The following SNX19 variants were observed in gnomAD, a reference collection of about 807,000 sequenced individuals.
SNX19 encodes sorting nexin 19.
Under a neutral mutation model 85.2 loss-of-function variants are expected in SNX19, and 60 were observed. That is an observed-to-expected ratio of 0.70 (90% CI 0.57 to 0.87). The LOEUF is 0.87. SNX19 is among the 40% of genes least tolerant of loss of function. SNX19 has a pLI of 0.00. For synonymous variants in SNX19, 520 were observed against 470.0 expected (o/e 1.11, Z -1.38); for missense variants, 1,201 against 1,217.8 (o/e 0.99, Z 0.21).
intron 1 of SNX19, among the ~76,000 whole-genome samples, chr11:130,912,322 G>A (rs1946189736): frequency 6.6e-6 from 1 of 152,134 alleles, no homozygotes; most frequent in Admixed American, 6.5e-5. Flanking sequence ...TCCTAAGTAC[G>A]TATCATCTGT....
intron 8 of SNX19, among the ~76,000 whole-genome samples, chr11:130,882,118 T>C (rs927315026): frequency 2.6e-5 from 4 of 152,214 alleles, no homozygotes; most frequent in African/African-American, 9.6e-5. Context: ...TAGAAAGTGG[T>C]TCAACGTTAT....
chr11:130,888,445 T>C (rs1944245194), intron 8 of SNX19, among the ~76,000 whole-genome samples: 1 of 152,184 alleles, frequency 6.6e-6, no homozygotes. Context: ...AAATGTACTA[T>C]AATGCAGGCA....
intron 8 of SNX19, among the ~76,000 whole-genome samples, chr11:130,886,340 TG>T (rs772991521): frequency 2.0e-5 from 3 of 152,216 alleles, no homozygotes; most frequent in Non-Finnish European, 2.9e-5. Flanking sequence ...TATGCGCCTG[TG>T]CCTATGTGCA....
chr11:130,907,851 C>T, intron 5 of SNX19, 102 bp downstream of exon 5: 1 of 1,533,400 alleles, frequency 6.5e-7, no homozygotes, highest in Non-Finnish European at 8.8e-7. Flanking sequence ...TCTGACCCAC[C>T]TCCTTTCCTC....
chr11:130,873,891 A>C lies in SNX19; in HGVS notation c.*4531T>G, dbSNP rs1488735195. On this transcript the variant is annotated 3_prime_UTR_variant, in exon 11 of 11. Transcript: ENST00000265909. ...TTGCTAACATCAATTATTTCTGTAG[A>C]TATCTGACCTTCATGGAAGATGACC... is the stretch of plus-strand genomic sequence containing the variant. Among the ~76,000 whole-genome samples the C allele has an allele frequency of 6.6e-6, 1 of 152,174 alleles. No homozygotes were observed. Among genetic ancestry groups the C allele is most frequent in the Non-Finnish European group, 1.5e-5 (1 of 68,044 alleles).
Position 130,867,988 on chromosome 11 carries a change from A to G in SNX19, c.*10434T>C, listed in dbSNP as rs1942843253. Reference sequence around the variant, plus strand: ...GAGTGAAATTTTTATGAGAACCCACATCATAATCCTGTGACAATGCCAAAG... The same window carrying G: ...GAGTGAAATTTTTATGAGAACCCACGTCATAATCCTGTGACAATGCCAAAG... On this transcript the variant is annotated 3_prime_UTR_variant, in exon 11 of 11. Transcript: ENST00000265909. 1 of 152,218 alleles carries G rather than the reference A, an allele frequency of 6.6e-6. No individual in the cohort carries two copies. Among genetic ancestry groups the G allele is most frequent in the Non-Finnish European group, 1.5e-5 (1 of 68,034 alleles). The allele number at this position is 152,218 out of a possible 1,614,324, so 9.4% of individuals were successfully genotyped here. A position where few individuals can be genotyped will look rare whatever the true frequency, so the allele number is the denominator to read the frequency against.
intron 8 of SNX19, among the ~76,000 whole-genome samples, chr11:130,899,667 T>C (rs930231958): frequency 3.3e-5 from 5 of 152,188 alleles, no homozygotes; most frequent in Non-Finnish European, 7.3e-5. Context: ...ATATAAGAAC[T>C]TGTTGACAGG....
At chr11:130,883,742 C>T (rs535261795) in intron 8 of SNX19, among the ~76,000 whole-genome samples, 2 of 152,184 alleles carry the variant, frequency 1.3e-5, no homozygotes, top group African/African-American at 4.8e-5. Context: ...TAGTCCCAGG[C>T]AGCCTGTGTA....
At chr11:130,908,122 C>A (rs1184835826) in intron 4 of SNX19, 39 bp from the exon 5 acceptor site, 1 of 1,606,602 alleles carries the variant, frequency 6.2e-7, no homozygotes, top group Non-Finnish European at 8.5e-7. Flanking sequence ...CCATCCACAT[C>A]CACAGATGGA....
chr11:130,903,716 T>TACACACACAC lies in SNX19; in HGVS notation c.2444-342_2444-333dup, dbSNP rs35654790. Among the ~76,000 whole-genome samples the TACACACACAC allele has an allele frequency of 3.2e-3, 464 of 143,374 alleles. 2 individuals carry two copies. Among genetic ancestry groups the TACACACACAC allele is most frequent in the African/African-American group, 0.011 (442 of 38,608 alleles). 94.1% of individuals were successfully genotyped at this position (143,374 alleles called of 152,430 possible). A position where few individuals can be genotyped will look rare whatever the true frequency, so the allele number is the denominator to read the frequency against. ...ATATACATATATATATATATACACA[T>TACACACACAC]ACACACACACACACACACACACACA... On this transcript the variant is annotated intron_variant, in intron 7 of 10. Transcript: ENST00000265909.
intron 1 of SNX19, 42 bp from the exon 2 acceptor site, chr11:130,911,813 C>A (rs1234663395): frequency 2.5e-6 from 4 of 1,598,068 alleles, no homozygotes; most frequent in South Asian, 1.1e-5. Context: ...AGCCGGGTTT[C>A]AGCAATCTTC....
rs773869028 is a variant in SNX19, at chr11:130,910,240, A to T, written c.1914+30T>A. The T allele has an allele frequency of 3.7e-6, 6 of 1,613,042 alleles. No individual in the cohort carries two copies. The Admixed American group carries it at 1.0e-4, about 27-fold the overall frequency. ...GGGGTTAGACACCCAGGTTAAAGTGAGAACAAGGCCAAAAGAGAAGGATGC... is the reference window on the plus strand; with the variant it reads ...GGGGTTAGACACCCAGGTTAAAGTGTGAACAAGGCCAAAAGAGAAGGATGC... On this transcript the variant is annotated intron_variant, in intron 3 of 10. Coordinates refer to ENST00000265909, the MANE Select transcript of SNX19 (RefSeq NM_014758.3).
intron 1 of SNX19, 134 bp downstream of exon 1, chr11:130,914,132 T>C (rs543513651): frequency 1.4e-6 from 1 of 697,442 alleles, no homozygotes; most frequent in Non-Finnish European, 2.4e-6. Flanking sequence ...CTTCAGACCA[T>C]TCACAGAGAT....
intron 8 of SNX19, among the ~76,000 whole-genome samples, chr11:130,883,071 C>T (rs945318098): frequency 6.6e-6 from 1 of 152,176 alleles, no homozygotes; most frequent in African/African-American, 2.4e-5. Flanking sequence ...GGATATCCTC[C>T]TTGTTCTCTT....
chr11:130,908,020 G>A lies in SNX19; in HGVS notation c.2098C>T (p.Pro700Ser), dbSNP rs1209351805. ...TCGGCCTCACTCAGCTCCTCTGTGG[G>A]GCTCTGGGGTTCAGAGCGAGGAAAC... The part of the protein sequence containing the change: ...TAFPRSEPQS[P>S]TEELSEAETE... Residue 700 changes from proline (P) to serine (S), a missense_variant, in exon 5 of 11, where the codon CCC becomes TCC. This residue lies in a region of SNX19 where 125 missense variants were observed against 171.6 expected (regional missense o/e 0.73). Coordinates refer to ENST00000265909, the MANE Select transcript of SNX19 (RefSeq NM_014758.3). 1.2e-6 allele frequency: 2 copies of A among 1,614,122 alleles called. No individual in the cohort carries two copies. Among genetic ancestry groups the A allele is most frequent in the Non-Finnish European group, 8.5e-7 (1 of 1,180,016 alleles).
Position 130,897,373 on chromosome 11 carries a change from T to TACAC in SNX19, c.2573+5878_2573+5881dup, listed in dbSNP as rs143692993. On this transcript the variant is annotated intron_variant, in intron 8 of 10. Transcript: ENST00000265909. ...ACACACACACACTCTGTCTCTATCTTACACACACACACACAGACACACACA... is the reference window on the plus strand; with the variant it reads ...ACACACACACACTCTGTCTCTATCTTACACACACACACACACACAGACACACACA... 2.7e-5 allele frequency among the ~76,000 whole-genome samples: 4 copies of TACAC among 150,740 alleles called. No homozygotes were observed. In the South Asian group the frequency reaches 8.4e-4, roughly 32 times the overall value.
Position 130,866,538 on chromosome 11 carries a change from C to T in SNX19, c.*11884G>A, listed in dbSNP as rs544699815. On this transcript the variant is annotated 3_prime_UTR_variant, in exon 11 of 11. Transcript: ENST00000265909. ...CTCCTTAAGATGGCAGATTAGAAGACCCTCTTCCCCAGGAGAGTGGGAGCG... is the reference window on the plus strand; with the variant it reads ...CTCCTTAAGATGGCAGATTAGAAGATCCTCTTCCCCAGGAGAGTGGGAGCG... The T allele has an allele frequency of 1.3e-5, 2 of 152,184 alleles. No individual in the cohort carries two copies. Among genetic ancestry groups the T allele is most frequent in the African/African-American group, 4.8e-5 (2 of 41,438 alleles). The allele number at this position is 152,184 out of a possible 1,614,324, so 9.4% of individuals were successfully genotyped here. A position where few individuals can be genotyped will look rare whatever the true frequency, so the allele number is the denominator to read the frequency against.
At chr11:130,914,234 C>G (rs1187100347) in intron 1 of SNX19, 32 bp downstream of exon 1, 3 of 1,506,958 alleles carry the variant, frequency 2.0e-6, no homozygotes, top group Non-Finnish European at 2.7e-6. Context: ...ACTCCTAGCC[C>G]GGGTGAGCAC....
intron 10 of SNX19, 83 bp from the exon 11 acceptor site, chr11:130,878,637 C>T (rs1251080247): frequency 4.7e-6 from 7 of 1,496,152 alleles, no homozygotes; most frequent in Non-Finnish European, 6.3e-6. Context: ...TTTCTCCTCC[C>T]CCATCACCGA....
Sources: allele counts gnomAD v4.1 joint callset (sites outside exome capture counted in the v4.1 genomes callset), GRCh38; gene constraint gnomAD v4.1.1; regional missense constraint gnomAD v4.1.1; transcripts MANE v1.5; gene names NCBI Gene and HGNC (gene_info 2026-07-23, HGNC 2026-07-21).